The following FRMD7 variants were observed in gnomAD, a reference collection of about 807,000 sequenced individuals.
FRMD7 encodes FERM domain-containing protein 7.
In FRMD7, 14 loss-of-function variants were observed where a neutral mutation model predicts 44.1. That is an observed-to-expected ratio of 0.32 (90% CI 0.21 to 0.50). The LOEUF is 0.50. Ranked by LOEUF, FRMD7 falls within the 20% of genes least tolerant of loss-of-function variation. The pLI is 0.99. For missense variants in FRMD7, 501 were observed against 522.3 expected, an observed-to-expected ratio of 0.96 and a Z score of 0.40; for synonymous variants, 212 against 187.4, an observed-to-expected ratio of 1.13 and a Z score of -1.07.
intron 1 of FRMD7, among the ~76,000 whole-genome samples, chrX:132,113,820 C>T (rs1928835094): frequency 9.0e-6 from 1 of 110,992 alleles, no homozygotes; most frequent in Admixed American, 9.6e-5. Context: ...TTAAAATGTA[C>T]AATTAAGTTA....
intron 5 of FRMD7, among the ~76,000 whole-genome samples, chrX:132,091,765 G>A (rs1378801141): frequency 9.0e-6 from 1 of 111,228 alleles, no homozygotes; most frequent in Admixed American, 9.5e-5. Context: ...AACCTGGGAG[G>A]TGGAGGTTGC....
Position 132,078,107 on chromosome X carries a change from A to G in FRMD7, c.1910T>C (p.Met637Thr), listed in dbSNP as rs1927669731. The change falls in exon 12 of 12, where the codon ATG becomes ACG. Residue 637 changes from methionine to threonine, a missense_variant. This residue lies in a region of FRMD7 where 453 missense variants were observed against 452.7 expected (regional missense o/e 1.00). Coordinates refer to ENST00000298542, the MANE Select transcript of FRMD7 (RefSeq NM_194277.3). ...FAEQELPAVLMDQSTAERYVA... is the reference protein window; with the variant it reads ...FAEQELPAVLTDQSTAERYVA... ...ATACCTTTCTGCTGTACTTTGATCC[A>G]TTAGAACTGCTGGCAACTCCTGCTC... 1 of 1,209,727 alleles carries G rather than the reference A, an allele frequency of 8.3e-7. No homozygotes were observed. The highest frequency in any genetic ancestry group is 1.1e-6 in the Non-Finnish European group (1 of 894,775).
chrX:132,085,021 T>C (rs994498426), intron 7 of FRMD7, among the ~76,000 whole-genome samples: 9 of 111,450 alleles, frequency 8.1e-5, no homozygotes, highest in Admixed American at 1.9e-4. Flanking sequence ...ATTGAATATA[T>C]AACCTTTGTT....
chrX:132,121,440 C>T (rs775516730), intron 1 of FRMD7, among the ~76,000 whole-genome samples: 1 of 111,393 alleles, frequency 9.0e-6, no homozygotes, highest in South Asian at 3.8e-4. Context: ...ATGTGTTCAC[C>T]ATCTAAAATT....
chrX:132,119,742 C>T (rs1388929330), intron 1 of FRMD7, among the ~76,000 whole-genome samples: 1 of 111,320 alleles, frequency 9.0e-6, no homozygotes, highest in Non-Finnish European at 1.9e-5. Context: ...CCGCAGCCCC[C>T]AGAAAAATGT....
chrX:132,079,322 T>G (rs1286089864), intron 11 of FRMD7, among the ~76,000 whole-genome samples: 1 of 111,286 alleles, frequency 9.0e-6, no homozygotes, highest in Non-Finnish European at 1.9e-5. Context: ...CTTAGACAAG[T>G]CTCCTAACCT....
rs185885184 is a variant in FRMD7 at position 132,113,138 on chromosome X, C to G, written c.58-12422G>C. Among the ~76,000 whole-genome samples, 3 of 111,736 alleles carry G rather than the reference C, an allele frequency of 2.7e-5. No homozygotes were observed. In the East Asian group the frequency reaches 8.4e-4, roughly 31 times the overall value. ...CAGTGTAATAATAGCATTCTTAAGA[C>G]AGTGCTCCCAAGTCTTATAGAAATT... On this transcript the variant is annotated intron_variant, in intron 1 of 11. Transcript: ENST00000298542.
Position 132,078,865 on chromosome X carries a change from T to G in FRMD7, c.1152A>C (p.Ala384=). Residue 384 remains alanine, a synonymous_variant, in exon 12 of 12, where the codon GCA becomes GCC. Coordinates refer to ENST00000298542, the MANE Select transcript of FRMD7 (RefSeq NM_194277.3). ...GCTCAGTTGCAAATGTCACCTCCAA[T>G]GCAGAATTCCTCCTCCTACTCTCCA... The part of the protein sequence containing the change: ...PVLESRRRNS[A]LEVTFATELE... 2 of 1,206,550 alleles carry G rather than the reference T, an allele frequency of 1.7e-6. No individual in the cohort carries two copies. The highest frequency in any genetic ancestry group is 2.2e-6 in the Non-Finnish European group (2 of 890,984).
At chrX:132,111,919 C>T (rs1602832008) in intron 1 of FRMD7, among the ~76,000 whole-genome samples, 2 of 112,145 alleles carry the variant, frequency 1.8e-5, no homozygotes, top group East Asian at 2.8e-4. Context: ...GAGCTTAAAC[C>T]CCTCTGAAGG....
intron 1 of FRMD7, among the ~76,000 whole-genome samples, chrX:132,109,800 G>T (rs1402555582): frequency 9.0e-6 from 1 of 111,696 alleles, no homozygotes; most frequent in African/African-American, 3.3e-5. Flanking sequence ...GTTAGCCAGC[G>T]GAAAGAAGAA....
intron 1 of FRMD7, among the ~76,000 whole-genome samples, chrX:132,124,064 G>A (rs1212360116): frequency 8.9e-6 from 1 of 111,799 alleles, no homozygotes; most frequent in African/African-American, 3.2e-5. Flanking sequence ...GTGTGTGAGA[G>A]TGTGTGCACA....
In FRMD7 at chrX:132,078,866, G is replaced by A; in HGVS notation, c.1151C>T (p.Ala384Val). ...CTCAGTTGCAAATGTCACCTCCAAT[G>A]CAGAATTCCTCCTCCTACTCTCCAG... Reference protein sequence around the residue: ...PVLESRRRNSALEVTFATELE... With the variant: ...PVLESRRRNSVLEVTFATELE... The change falls in exon 12 of 12, where the codon GCA (alanine) becomes GTA (valine). Residue 384 changes from alanine (A) to valine (V), a missense_variant. By Grantham distance (64) the Ala-to-Val change is moderately conservative. This residue lies in a region of FRMD7 where 453 missense variants were observed against 452.7 expected (regional missense o/e 1.00). Transcript: ENST00000298542. The A allele has an allele frequency of 1.7e-6, 2 of 1,205,223 alleles. No individual in the cohort carries two copies. Among genetic ancestry groups the A allele is most frequent in the East Asian group, 3.0e-5 (1 of 33,785 alleles).
chrX:132,094,964 T>C (rs1928283843), intron 4 of FRMD7, among the ~76,000 whole-genome samples: 1 of 111,809 alleles, frequency 8.9e-6, no homozygotes, highest in South Asian at 3.7e-4. Flanking sequence ...AAAAGTCATT[T>C]TCAAAGGAGA....
rs187623802 is a variant in FRMD7, at chrX:132,110,248, G to C, written c.58-9532C>G. Among the ~76,000 whole-genome samples the C allele has an allele frequency of 7.2e-5, 8 of 111,564 alleles. No homozygotes were observed. The East Asian group carries it at 2.3e-3, about 32-fold the overall frequency. ...CACTTTGAGGAATGATGGTTTAAGG[G>C]ATAGGTGGAGGAGGGGGTAAAACAG... On this transcript the variant is annotated intron_variant, in intron 1 of 11. Coordinates refer to ENST00000298542, the MANE Select transcript of FRMD7 (RefSeq NM_194277.3).
rs751858239 is a variant in FRMD7, at chrX:132,078,146, G to A, written c.1871C>T (p.Thr624Met). ...PALSHKADLF[T>M]DMFAEQELPA... is the part of the protein sequence containing the mutation. ...CAACTCCTGCTCTGCAAACATATCC[G>A]TAAACAGGTCTGCTTTATGACTGAG... The change falls in exon 12 of 12, where the codon ACG becomes ATG. Residue 624 changes from threonine to methionine, a missense_variant. Thr to Met is a moderately conservative substitution (Grantham distance 81). Around this residue, in one of 3 missense-constraint regions of FRMD7, gnomAD observed 453 missense variants for 452.7 expected, o/e 1.00. Transcript: ENST00000298542. 1.1e-5 allele frequency: 13 copies of A among 1,210,729 alleles called. No homozygotes were observed. Among genetic ancestry groups the A allele is most frequent in the East Asian group, 5.9e-5 (2 of 33,826 alleles).
chrX:132,086,210 G>T (rs1351346244), intron 5 of FRMD7, among the ~76,000 whole-genome samples, 176 bp from the exon 6 acceptor site: 1 of 110,686 alleles, frequency 9.0e-6, no homozygotes, highest in Non-Finnish European at 1.9e-5. Flanking sequence ...GTGTGTTTGG[G>T]GGGGGCAATT....
intron 3 of FRMD7, 122 bp from the exon 4 acceptor site, chrX:132,097,466 A>G: frequency 5.6e-6 from 3 of 540,501 alleles, no homozygotes; most frequent in Admixed American, 4.7e-5. Flanking sequence ...TCCCCTCCCC[A>G]TCACTCCCTC....
intron 2 of FRMD7, 89 bp downstream of exon 2, chrX:132,100,523 A>T: frequency 3.2e-6 from 2 of 625,845 alleles, no homozygotes; most frequent in South Asian, 4.5e-5. Context: ...TCATTTTTCA[A>T]TCAGGGAATT....
chrX:132,096,213 C>T lies in FRMD7; in HGVS notation c.284+1053G>A, dbSNP rs192317920. 7.8e-3 allele frequency among the ~76,000 whole-genome samples: 868 copies of T among 111,404 alleles called. 7 individuals are homozygous for T. Among genetic ancestry groups the T allele is most frequent in the Non-Finnish European group, 0.012 (622 of 53,064 alleles). Reference sequence around the variant, plus strand: ...GACAGAAAGAGAGGCTTGTAAAAAGCGACTTTTGCAAAGGCCACTCAGAAA... The same window carrying T: ...GACAGAAAGAGAGGCTTGTAAAAAGTGACTTTTGCAAAGGCCACTCAGAAA... On this transcript the variant is annotated intron_variant, in intron 4 of 11. Coordinates refer to ENST00000298542, the MANE Select transcript of FRMD7 (RefSeq NM_194277.3).
Sources: allele counts gnomAD v4.1 joint callset (sites outside exome capture counted in the v4.1 genomes callset), GRCh38; gene constraint gnomAD v4.1.1; regional missense constraint gnomAD v4.1.1; transcripts MANE v1.5; gene names NCBI Gene and HGNC (gene_info 2026-07-23, HGNC 2026-07-21).